The following DCC variants were observed in gnomAD, a reference collection of about 807,000 sequenced individuals.
DCC encodes the protein netrin receptor DCC.
A neutral mutation model predicts 172.5 loss-of-function variants in DCC; 58 were observed. The ratio of observed to expected loss-of-function variants is 0.34; its 90% CI spans 0.27 to 0.42. The LOEUF is 0.42. Among genes scored for constraint, DCC ranks in the 10% least tolerant of loss-of-function variants. The pLI is 1.00. For synonymous variants in DCC, 709 were observed against 644.5 expected (o/e 1.10, Z -1.52); for missense variants, 1,740 against 1,791.0 (o/e 0.97, Z 0.51).
At chr18:52,507,476 T>C (rs539102049) in intron 1 of DCC, among the ~76,000 whole-genome samples, 1 of 152,278 alleles carries the variant, frequency 6.6e-6, no homozygotes, top group East Asian at 1.9e-4. Context: ...TGGCTAAAAC[T>C]AAATCAGAGA....
intron 1 of DCC, among the ~76,000 whole-genome samples, chr18:52,485,319 C>T (rs1321953042): frequency 6.6e-6 from 1 of 152,032 alleles, no homozygotes; most frequent in Non-Finnish European, 1.5e-5. Flanking sequence ...CATAGAATAC[C>T]TCAGCAGGCA....
chr18:53,057,847 A>C (rs1407394924), intron 5 of DCC, among the ~76,000 whole-genome samples: 1 of 152,074 alleles, frequency 6.6e-6, no homozygotes, highest in Non-Finnish European at 1.5e-5. Flanking sequence ...ACAAACAAAC[A>C]TATGCTTCAG....
chr18:53,282,911 G>T (rs905789687), intron 12 of DCC, among the ~76,000 whole-genome samples: 2 of 152,086 alleles, frequency 1.3e-5, no homozygotes, highest in Non-Finnish European at 2.9e-5. Context: ...AAAGAAAATC[G>T]ATGTGTGCAG....
At chr18:52,914,744 A>G (rs2040016832) in intron 3 of DCC, among the ~76,000 whole-genome samples, 1 of 152,144 alleles carries the variant, frequency 6.6e-6, no homozygotes, top group Non-Finnish European at 1.5e-5. Flanking sequence ...CCTGCTGAAT[A>G]TTCTAAAACA....
chr18:52,485,735 C>T (rs2030186815), intron 1 of DCC, among the ~76,000 whole-genome samples: 1 of 151,938 alleles, frequency 6.6e-6, no homozygotes, highest in Non-Finnish European at 1.5e-5. Context: ...AACTAGAGTT[C>T]AAAGGGCAGA....
chr18:52,367,245 G>T (rs1288405380), intron 1 of DCC, among the ~76,000 whole-genome samples: 1 of 152,178 alleles, frequency 6.6e-6, no homozygotes, highest in Non-Finnish European at 1.5e-5. Context: ...CAGCTGGCCC[G>T]CAAGTGCCGC....
chr18:52,976,800 A>G (rs1288492199), intron 5 of DCC, among the ~76,000 whole-genome samples: 1 of 152,194 alleles, frequency 6.6e-6, no homozygotes, highest in African/African-American at 2.4e-5. Flanking sequence ...AATAGCCACC[A>G]TCTGTTTTCA....
intron 1 of DCC, among the ~76,000 whole-genome samples, chr18:52,702,176 C>T (rs1248560467): frequency 6.6e-6 from 1 of 152,112 alleles, no homozygotes; most frequent in African/African-American, 2.4e-5. Context: ...CTGGATTCTT[C>T]AGCCTCTTTT....
intron 1 of DCC, among the ~76,000 whole-genome samples, chr18:52,603,359 T>A (rs1395881759): frequency 6.6e-6 from 1 of 151,986 alleles, no homozygotes; most frequent in East Asian, 1.9e-4. Context: ...AGACCGAGAA[T>A]TAGGAGTAGG....
chr18:53,225,131 G>A (rs2056005122), intron 12 of DCC, among the ~76,000 whole-genome samples: 1 of 152,108 alleles, frequency 6.6e-6, no homozygotes, highest in Non-Finnish European at 1.5e-5. Context: ...ATATACTAAT[G>A]AGAGATACAG....
At chr18:53,521,497 T>TA (rs2046398461) in intron 27 of DCC, among the ~76,000 whole-genome samples, 1 of 152,120 alleles carries the variant, frequency 6.6e-6, no homozygotes, top group South Asian at 2.1e-4. Flanking sequence ...TCTCTGCATG[T>TA]AAAACTGACA....
intron 2 of DCC, among the ~76,000 whole-genome samples, chr18:52,828,520 CA>C (rs1193978849): frequency 9.2e-5 from 14 of 151,954 alleles, no homozygotes; most frequent in African/African-American, 3.1e-4. Context: ...CGAAAGTCTC[CA>C]ATTTCAGTAG....
At chr18:53,389,479 C>G (rs1908405378) in intron 16 of DCC, among the ~76,000 whole-genome samples, 1 of 152,092 alleles carries the variant, frequency 6.6e-6, no homozygotes, top group Admixed American at 6.5e-5. Flanking sequence ...CAATTTAACA[C>G]TTGAAATTGC....
chr18:52,741,036 TCAGA>T (rs1161066638), intron 1 of DCC, among the ~76,000 whole-genome samples: 2 of 152,304 alleles, frequency 1.3e-5, no homozygotes, highest in East Asian at 1.9e-4. Context: ...GAGGGGCAGA[TCAGA>T]CAAAGAACTC....
chr18:53,401,509 C>T (rs979989014), intron 18 of DCC, among the ~76,000 whole-genome samples: 1 of 152,010 alleles, frequency 6.6e-6, no homozygotes, highest in African/African-American at 2.4e-5. Flanking sequence ...GAACACTATT[C>T]AGGAAGAGAT....
At chr18:53,293,448 T>A (rs560241901) in intron 12 of DCC, among the ~76,000 whole-genome samples, 1 of 152,330 alleles carries the variant, frequency 6.6e-6, no homozygotes, top group African/African-American at 2.4e-5. Context: ...TGGAGTTAAA[T>A]TTTTAAATAG....
chr18:52,811,335 A>G (rs1230215408), intron 2 of DCC, among the ~76,000 whole-genome samples: 2 of 152,214 alleles, frequency 1.3e-5, no homozygotes, highest in African/African-American at 4.8e-5. Context: ...TATGGGCGAC[A>G]TTCATTAGTT....
rs1485790006 is a variant in DCC, at chr18:53,515,647, CACCA to C, written c.4112-10967_4112-10964del. On this transcript the variant is annotated intron_variant, in intron 27 of 28. Coordinates refer to ENST00000442544, the MANE Select transcript of DCC (RefSeq NM_005215.4). Reference sequence around the variant, plus strand: ...TACAAAAATCACAAGCATTCTTATACACCAACAACAGACAAACAGAGAGCCAAAT... The same window carrying C: ...TACAAAAATCACAAGCATTCTTATACACAACAGACAAACAGAGAGCCAAAT... Among the ~76,000 whole-genome samples, 3 of 147,280 alleles carry C rather than the reference CACCA, an allele frequency of 2.0e-5. No individual in the cohort carries two copies. The East Asian group carries it at 6.0e-4, about 29-fold the overall frequency.
chr18:53,221,688 T>TA (rs2055934573), intron 12 of DCC, among the ~76,000 whole-genome samples: 1 of 152,090 alleles, frequency 6.6e-6, no homozygotes, highest in Admixed American at 6.5e-5. Flanking sequence ...AACCAATTCA[T>TA]AAAAAAATTA....
Sources: gnomAD v4.1 joint callset for allele counts (sites outside exome capture counted in the v4.1 genomes callset) on GRCh38, gnomAD v4.1.1 for gene constraint, MANE v1.5 for transcripts, NCBI Gene and HGNC (gene_info 2026-07-23, HGNC 2026-07-21) for gene names.